The following ELAVL4 variants were observed in gnomAD, a reference collection of about 807,000 sequenced individuals.
ELAVL4 encodes the protein ELAV like RNA binding protein 4.
ELAVL4 carries 1 observed loss-of-function variant against 35.6 expected under a neutral mutation model. The ratio of observed to expected loss-of-function variants is 0.03; its 90% CI spans 0.01 to 0.13. The LOEUF is 0.13. ELAVL4 is among the 10% of genes least tolerant of loss of function. The pLI is 1.00. For missense variants in ELAVL4, 267 were observed against 464.9 expected, an observed-to-expected ratio of 0.57 and a Z score of 3.91; for synonymous variants, 156 against 171.0, an observed-to-expected ratio of 0.91 and a Z score of 0.69.
chr1:50,099,158 C>A (rs1387270716), upstream of ELAVL4, among the ~76,000 whole-genome samples: 3 of 152,172 alleles, frequency 2.0e-5, no homozygotes, highest in African/African-American at 4.8e-5. Flanking sequence ...TAATTTATAT[C>A]TTTTCTTGAG....
Position 50,200,847 on chromosome 1 carries a change from C to T in ELAVL4, c.774-4C>T, listed in dbSNP as rs776339902. 2 of 1,612,772 alleles carry T rather than the reference C, an allele frequency of 1.2e-6. No individual in the cohort carries two copies. Among genetic ancestry groups the T allele is most frequent in the Admixed American group, 3.3e-5 (2 of 59,916 alleles). The stretch of plus-strand genomic sequence containing the variant: ...CCAGTCCCCCCTTCTGCTTGTCCCC[C>T]CAGGTTCTCCCCAATTACCATTGAT... On this transcript the variant is annotated splice_polypyrimidine_tract_variant and splice_region_variant and intron_variant, in intron 6 of 6. Transcript: ENST00000371824.
intron 3 of ELAVL4, among the ~76,000 whole-genome samples, chr1:50,188,351 G>T (rs925551451): frequency 6.6e-6 from 1 of 152,094 alleles, no homozygotes; most frequent in Non-Finnish European, 1.5e-5. Context: ...CACAGTTATA[G>T]AAATTTGCAG....
intron 2 of ELAVL4, among the ~76,000 whole-genome samples, chr1:50,149,568 A>G (rs1446635869): frequency 7.9e-6 from 1 of 127,376 alleles, no homozygotes; most frequent in Non-Finnish European, 1.6e-5. Context: ...TTTTGAGATG[A>G]AGTCTCACTC....
chr1:50,195,467 T>C, intron 4 of ELAVL4, 94 bp from the exon 5 acceptor site: 1 of 1,407,552 alleles, frequency 7.1e-7, no homozygotes, highest in Middle Eastern at 2.4e-4. Flanking sequence ...GTGGGCTTAC[T>C]CCTCACACAA....
chr1:50,123,619 C>T (rs1354153608), intron 1 of ELAVL4, among the ~76,000 whole-genome samples: 1 of 152,010 alleles, frequency 6.6e-6, no homozygotes, highest in African/African-American at 2.4e-5. Context: ...GGCTCAGGAC[C>T]AAGTCTAGGT....
chr1:50,169,935 C>T (rs893629073), intron 2 of ELAVL4, among the ~76,000 whole-genome samples: 1 of 152,204 alleles, frequency 6.6e-6, no homozygotes, highest in Non-Finnish European at 1.5e-5. Flanking sequence ...TTTCCTTCTA[C>T]ATTATAAGCT....
chr1:50,172,562 G>A (rs1270722867), intron 2 of ELAVL4, among the ~76,000 whole-genome samples: 1 of 152,242 alleles, frequency 6.6e-6, no homozygotes, highest in Non-Finnish European at 1.5e-5. Context: ...TTGGAACACA[G>A]CTACACTCAT....
intron 1 of ELAVL4, among the ~76,000 whole-genome samples, chr1:50,127,334 C>A (rs9436890): frequency 0.038 from 5,817 of 152,080 alleles, 400 homozygotes; most frequent in African/African-American, 0.13. Flanking sequence ...AGGTAAAAAG[C>A]GACTCAATAT....
At chr1:50,157,158 C>G (rs1469715950) in intron 2 of ELAVL4, among the ~76,000 whole-genome samples, 1 of 152,002 alleles carries the variant, frequency 6.6e-6, no homozygotes, top group African/African-American at 2.4e-5. Context: ...AATTAGGCCA[C>G]TTCTATAAGT....
At chr1:50,185,026 C>T (rs1442838166) in intron 3 of ELAVL4, among the ~76,000 whole-genome samples, 1 of 152,154 alleles carries the variant, frequency 6.6e-6, no homozygotes, top group Non-Finnish European at 1.5e-5. Flanking sequence ...GCTCAGTAGC[C>T]ACTTGTAGCT....
chr1:50,176,313 G>A (rs1280158621), intron 2 of ELAVL4, among the ~76,000 whole-genome samples: 2 of 152,042 alleles, frequency 1.3e-5, no homozygotes, highest in African/African-American at 2.4e-5. Context: ...TTTCTTTATT[G>A]TTCTTTGGCT....
chr1:50,066,611 C>T (rs996070273), intron 1 of ELAVL4, among the ~76,000 whole-genome samples: 1 of 152,028 alleles, frequency 6.6e-6, no homozygotes, highest in Non-Finnish European at 1.5e-5. Context: ...TATAATTAGA[C>T]TCATAATTTG....
At chr1:50,176,873 T>G (rs1680126495) in intron 2 of ELAVL4, among the ~76,000 whole-genome samples, 1 of 152,198 alleles carries the variant, frequency 6.6e-6, no homozygotes, top group Non-Finnish European at 1.5e-5. Context: ...CTCCTAAAGT[T>G]TAATAGCCAA....
rs1481629041 is a variant in ELAVL4, at chr1:50,190,317, ATCTT to A, written c.355-3445_355-3442del. ...CCTGAAAATTGGCAATTTTTTGGAA[ATCTT>A]TCAGCCTAACCAAGGGCCTGACCAC... On this transcript the variant is annotated intron_variant, in intron 3 of 6. Transcript: ENST00000371824. Among the ~76,000 whole-genome samples the A allele has an allele frequency of 2.0e-5, 3 of 152,328 alleles. No individual in the cohort carries two copies. The East Asian group carries it at 5.8e-4, about 29-fold the overall frequency.
At chr1:50,166,850 A>G (rs1230841122) in intron 2 of ELAVL4, among the ~76,000 whole-genome samples, 1 of 152,156 alleles carries the variant, frequency 6.6e-6, no homozygotes, top group African/African-American at 2.4e-5. Context: ...TGTTGACTTA[A>G]AGGTAGGAGG....
intron 1 of ELAVL4, among the ~76,000 whole-genome samples, chr1:50,123,720 C>T (rs1669418097): frequency 6.6e-6 from 1 of 152,058 alleles, no homozygotes; most frequent in African/African-American, 2.4e-5. Flanking sequence ...GTTCATGCTC[C>T]ACTGTAGAAC....
intron 1 of ELAVL4, among the ~76,000 whole-genome samples, chr1:50,085,069 A>T (rs1665179651): frequency 6.6e-6 from 1 of 152,112 alleles, no homozygotes; most frequent in African/African-American, 2.4e-5. Context: ...GCTTCACATT[A>T]CTGCAAAAAT....
At chr1:50,177,636 T>C (rs1680276248) in intron 3 of ELAVL4, among the ~76,000 whole-genome samples, 1 of 152,044 alleles carries the variant, frequency 6.6e-6, no homozygotes, top group South Asian at 2.1e-4. Flanking sequence ...GGTGAAAAGA[T>C]GAGGATGGGA....
At chr1:50,182,626 A>G (rs902453269) in intron 3 of ELAVL4, among the ~76,000 whole-genome samples, 26 of 152,218 alleles carry the variant, frequency 1.7e-4, no homozygotes, top group African/African-American at 6.3e-4. Flanking sequence ...TTCATCTGTC[A>G]ACGACGTGCC....
Sources: gnomAD v4.1 joint callset for allele counts (sites outside exome capture counted in the v4.1 genomes callset) on GRCh38, gnomAD v4.1.1 for gene constraint, MANE v1.5 for transcripts, NCBI Gene and HGNC (gene_info 2026-07-23, HGNC 2026-07-21) for gene names.